LMO1: variants seen among roughly 807,000 people sequenced by gnomAD.
LMO1 encodes rhombotin-1.
A neutral mutation model predicts 18.0 loss-of-function variants in LMO1; 10 were observed. The ratio of observed to expected loss-of-function variants is 0.55; its 90% CI spans 0.34 to 0.94. LMO1 has a LOEUF of 0.94. Ranked by LOEUF, LMO1 falls within the 40% of genes least tolerant of loss-of-function variation. The pLI, the probability that LMO1 is intolerant of heterozygous loss-of-function variation, is 0.02. For synonymous variants in LMO1, 77 were observed against 77.9 expected (o/e 0.99, Z 0.06); for missense variants, 183 against 205.7 (o/e 0.89, Z 0.68).
At chr11:8,231,489 G>C (rs1484429095) in intron 1 of LMO1, among the ~76,000 whole-genome samples, 1 of 152,232 alleles carries the variant, frequency 6.6e-6, no homozygotes, top group African/African-American at 2.4e-5. Flanking sequence ...TCGTCCAGTA[G>C]CCTGGACATC....
chr11:8,235,136 AAC>A (rs1179935543), intron 1 of LMO1, among the ~76,000 whole-genome samples: 2 of 120,728 alleles, frequency 1.7e-5, no homozygotes, highest in Non-Finnish European at 3.5e-5. Flanking sequence ...TGATAGTATT[AAC>A]AGTCACCCCA....
At chr11:8,248,254 C>T (rs1388334568) in intron 1 of LMO1, among the ~76,000 whole-genome samples, 1 of 152,250 alleles carries the variant, frequency 6.6e-6, no homozygotes, top group Non-Finnish European at 1.5e-5. Flanking sequence ...CTGCATGTAT[C>T]TGAGCTGGTG....
At chr11:8,236,795 T>C (rs1285356134) in intron 1 of LMO1, among the ~76,000 whole-genome samples, 2 of 152,214 alleles carry the variant, frequency 1.3e-5, no homozygotes, top group East Asian at 3.9e-4. Flanking sequence ...AGCGCTGGCA[T>C]ACAGTAGGTG....
At chr11:8,230,620 G>A (rs1183782032) in intron 1 of LMO1, 116 bp from the exon 2 acceptor site, 2 of 1,082,966 alleles carry the variant, frequency 1.8e-6, no homozygotes, top group Non-Finnish European at 2.7e-6. Context: ...CTCTAGGTTT[G>A]GGGCTCCCAG....
At chr11:8,248,234 G>T (rs112128269) in intron 1 of LMO1, among the ~76,000 whole-genome samples, 10 of 152,350 alleles carry the variant, frequency 6.6e-5, no homozygotes, top group African/African-American at 9.6e-5. Flanking sequence ...GAATTCTAAA[G>T]ATTTCACATC....
At chr11:8,233,910 G>GAA (rs201112752) in intron 1 of LMO1, among the ~76,000 whole-genome samples, 1 of 152,058 alleles carries the variant, frequency 6.6e-6, no homozygotes, top group Non-Finnish European at 1.5e-5. Flanking sequence ...CCTGACTTTA[G>GAA]AAAAAAATGG....
upstream of LMO1, among the ~76,000 whole-genome samples, chr11:8,267,425 G>C (rs1290276467): frequency 6.6e-6 from 1 of 152,248 alleles, no homozygotes; most frequent in African/African-American, 2.4e-5. Flanking sequence ...CTGCAGCCCA[G>C]AAGTTGCCTC....
chr11:8,240,487 C>A (rs1387841769), intron 1 of LMO1, among the ~76,000 whole-genome samples: 2 of 152,130 alleles, frequency 1.3e-5, no homozygotes, highest in Non-Finnish European at 2.9e-5. Flanking sequence ...TAACAGAATA[C>A]CACAGACTGG....
chr11:8,231,816 C>T (rs1378414460), intron 1 of LMO1, among the ~76,000 whole-genome samples: 1 of 152,146 alleles, frequency 6.6e-6, no homozygotes, highest in Admixed American at 6.5e-5. Context: ...TCACTGCCCC[C>T]AGCCCAGAGT....
At chr11:8,256,350 G>A (rs935301171) in intron 1 of LMO1, among the ~76,000 whole-genome samples, 5 of 152,188 alleles carry the variant, frequency 3.3e-5, no homozygotes, top group Non-Finnish European at 5.9e-5. Context: ...GGCCCAGTGC[G>A]CTGAAGTCAC....
chr11:8,243,716 G>C (rs961972314), intron 1 of LMO1, among the ~76,000 whole-genome samples: 1 of 152,242 alleles, frequency 6.6e-6, no homozygotes, highest in African/African-American at 2.4e-5. Context: ...GGTGGACAAG[G>C]AGGCACGGGG....
intron 1 of LMO1, among the ~76,000 whole-genome samples, chr11:8,254,524 C>T (rs1366730502): frequency 6.6e-6 from 1 of 152,230 alleles, no homozygotes; most frequent in Non-Finnish European, 1.5e-5. Context: ...TCAGGGAACA[C>T]AGAACATCAC....
At chr11:8,261,911 C>T (rs1847192329) in intron 1 of LMO1, among the ~76,000 whole-genome samples, 1 of 152,070 alleles carries the variant, frequency 6.6e-6, no homozygotes, top group Non-Finnish European at 1.5e-5. Context: ...CACTGAGGTT[C>T]CCCCCATCCT....
intron 1 of LMO1, among the ~76,000 whole-genome samples, chr11:8,231,723 C>T (rs983293733): frequency 7.9e-5 from 12 of 152,130 alleles, no homozygotes; most frequent in African/African-American, 2.4e-4. Context: ...CTACTGGCCC[C>T]GTCCTCTCCA....
At position 8,230,307 on chromosome 11, in the gene LMO1, G is replaced by A. The variant is rs753080445; in HGVS notation, c.223C>T (p.Arg75Ter). ...GCAGCCCACCTCAGGTAGTCGCGTC[G>A]GCACAGGATGAGGTTGGCCTTGGTG... ...LYTKANLILC[R>*]RDYLRLFGTT... is the part of the protein sequence containing the mutation. Residue 75 changes from arginine (R) to a stop codon, truncating the protein, a stop_gained, in exon 2 of 4, where the codon CGA (arginine) becomes TGA (stop). Transcript: ENST00000335790. LOFTEE classifies it high-confidence loss of function. The A allele has an allele frequency of 7.4e-6, 12 of 1,613,592 alleles. No homozygotes were observed. Among genetic ancestry groups the A allele is most frequent in the South Asian group, 1.1e-5 (1 of 91,074 alleles).
chr11:8,247,742 A>G (rs952913489), intron 1 of LMO1, among the ~76,000 whole-genome samples: 4 of 152,232 alleles, frequency 2.6e-5, no homozygotes, highest in African/African-American at 4.8e-5. Flanking sequence ...CCCTGAGTCT[A>G]CATGGATTCA....
chr11:8,230,585 G>A, intron 1 of LMO1, 81 bp from the exon 2 acceptor site: 1 of 1,394,540 alleles, frequency 7.2e-7, no homozygotes, highest in East Asian at 2.3e-5. Flanking sequence ...AGAATGGGGA[G>A]CTCACTGCTT....
chr11:8,248,891 C>T (rs1846940385), intron 1 of LMO1, among the ~76,000 whole-genome samples: 1 of 152,162 alleles, frequency 6.6e-6, no homozygotes, highest in Non-Finnish European at 1.5e-5. Flanking sequence ...GCCTAGAAAG[C>T]CAGGATTGTG....
intron 2 of LMO1, among the ~76,000 whole-genome samples, chr11:8,229,307 G>A (rs1590521884): frequency 6.6e-6 from 1 of 152,310 alleles, no homozygotes; most frequent in East Asian, 1.9e-4. Flanking sequence ...TGTTAAAAGG[G>A]GCAGGCAGGT....
Sources: gnomAD v4.1 joint callset for allele counts (sites outside exome capture counted in the v4.1 genomes callset) on GRCh38, gnomAD v4.1.1 for gene constraint, MANE v1.5 for transcripts, NCBI Gene and HGNC (gene_info 2026-07-23, HGNC 2026-07-21) for gene names.